The following PIEZO2 variants were observed in gnomAD, a reference collection of about 807,000 sequenced individuals.
PIEZO2 encodes piezo-type mechanosensitive ion channel component 2.
PIEZO2 carries 172 observed loss-of-function variants against 337.3 expected under a neutral mutation model. The ratio of observed to expected loss-of-function variants is 0.51; its 90% CI spans 0.45 to 0.58. The LOEUF (loss-of-function observed/expected upper bound fraction) is 0.58. Ranked by LOEUF, PIEZO2 falls within the 20% of genes least tolerant of loss-of-function variation. The pLI is 0.00. For synonymous variants in PIEZO2, 1,251 were observed against 1,228.5 expected (o/e 1.02, Z -0.38); for missense variants, 3,028 against 3,391.3 (o/e 0.89, Z 2.66).
chr18:10,959,237 A>C (rs116420473), intron 3 of PIEZO2, among the ~76,000 whole-genome samples: 1,848 of 152,278 alleles, frequency 0.012, 41 homozygotes, highest in African/African-American at 0.042. Context: ...TTGTTCTCAA[A>C]GTCTTCACAG....
chr18:11,014,459 T>G (rs910180835), intron 2 of PIEZO2, among the ~76,000 whole-genome samples: 3 of 126,468 alleles, frequency 2.4e-5, no homozygotes, highest in Non-Finnish European at 4.9e-5. Context: ...GTGGGGAACA[T>G]GTCACCCTGG....
intron 2 of PIEZO2, among the ~76,000 whole-genome samples, chr18:11,030,309 A>G (rs1232147122): frequency 2.0e-5 from 3 of 152,250 alleles, no homozygotes; most frequent in Non-Finnish European, 4.4e-5. Context: ...AAAAATGCCA[A>G]AGTGAAGGTG....
rs554945682 is a variant in PIEZO2 at position 10,864,747 on chromosome 18, G to A, written c.492+6506C>T. ...CAGAAGGGCAAGAGTGGGGACAAAAGCATCCATGCAAGAGTGAACTACACA... is the reference window on the plus strand; with the variant it reads ...CAGAAGGGCAAGAGTGGGGACAAAAACATCCATGCAAGAGTGAACTACACA... On this transcript the variant is annotated intron_variant, in intron 5 of 55. Transcript: ENST00000674853. Among the ~76,000 whole-genome samples, 5 of 152,324 alleles carry A rather than the reference G, an allele frequency of 3.3e-5. No individual in the cohort carries two copies. In the South Asian group the frequency reaches 8.3e-4, roughly 25 times the overall value.
intron 4 of PIEZO2, among the ~76,000 whole-genome samples, chr18:10,897,352 A>G (rs562950470): frequency 2.9e-4 from 44 of 152,008 alleles, no homozygotes; most frequent in African/African-American, 1.0e-3. Context: ...ATACCTGGCT[A>G]ATTTCTTTGT....
chr18:10,683,734 T>C (rs2034381834), intron 49 of PIEZO2, among the ~76,000 whole-genome samples: 1 of 152,240 alleles, frequency 6.6e-6, no homozygotes, highest in African/African-American at 2.4e-5. Flanking sequence ...ATTTAGATCA[T>C]AGGCCACTCC....
Position 10,766,997 on chromosome 18 carries a change from C to T in PIEZO2, c.2946+3151G>A, listed in dbSNP as rs1417165544. Among the ~76,000 whole-genome samples, 2 of 141,638 alleles carry T rather than the reference C, an allele frequency of 1.4e-5. No individual in the cohort carries two copies. Among genetic ancestry groups the T allele is most frequent in the Middle Eastern group, 3.7e-3 (1 of 268 alleles). 92.9% of individuals were successfully genotyped at this position (141,638 alleles called of 152,430 possible). A position where few individuals can be genotyped will look rare whatever the true frequency, so the allele number is the denominator to read the frequency against. On this transcript the variant is annotated intron_variant, in intron 21 of 55. Transcript: ENST00000674853. The surrounding 1 kb of genome is among the most constrained non-coding windows in gnomAD (Gnocchi z 6.1). ...CCTCCCACCTTCCATTCCCTCCCCT[C>T]CCCTCCCCTCCCCTTCCCTCCCCTC...
Position 10,811,968 on chromosome 18 carries a change from A to G in PIEZO2, c.918-4694T>C, listed in dbSNP as rs1030099084. Among the ~76,000 whole-genome samples, 19 of 152,214 alleles carry G rather than the reference A, an allele frequency of 1.2e-4. No individual in the cohort carries two copies. The Middle Eastern group carries it at 0.01, about 82-fold the overall frequency. ...CCTGCCTCAGCCTCCCGAGTAGCTG[A>G]GATTACAGGCGCCCGCCACCACGCC... On this transcript the variant is annotated intron_variant, in intron 7 of 55. Coordinates refer to ENST00000674853, the MANE Select transcript of PIEZO2 (RefSeq NM_001378183.1).
chr18:10,730,431 A>G lies in PIEZO2; in HGVS notation c.5029+976T>C, dbSNP rs550109880. Among the ~76,000 whole-genome samples the G allele has an allele frequency of 1.3e-3, 195 of 152,170 alleles. 2 individuals carry two copies. Among genetic ancestry groups the G allele is most frequent in the African/African-American group, 4.5e-3 (185 of 41,510 alleles). Reference sequence around the variant, plus strand: ...CACACGCTCTCATTGATTGAATTGAATTTTTCTTTTCTTGATTTCTAGCAG... The same window carrying G: ...CACACGCTCTCATTGATTGAATTGAGTTTTTCTTTTCTTGATTTCTAGCAG... On this transcript the variant is annotated intron_variant, in intron 36 of 55. Transcript: ENST00000674853.
At chr18:10,995,328 T>C (rs1001456500) in intron 2 of PIEZO2, among the ~76,000 whole-genome samples, 26 of 152,204 alleles carry the variant, frequency 1.7e-4, no homozygotes, top group African/African-American at 4.6e-4. Flanking sequence ...TTGTTTGTTT[T>C]TTCTTGCTAA....
intron 4 of PIEZO2, among the ~76,000 whole-genome samples, chr18:10,904,403 T>C (rs929597750): frequency 1.6e-4 from 25 of 152,228 alleles, no homozygotes; most frequent in African/African-American, 6.0e-4. Flanking sequence ...ATTTGTAAGA[T>C]GGAAAAGGTC....
intron 3 of PIEZO2, among the ~76,000 whole-genome samples, chr18:10,920,407 A>T (rs1441893404): frequency 6.6e-6 from 1 of 152,182 alleles, no homozygotes; most frequent in East Asian, 1.9e-4. Context: ...CCTGGCAATT[A>T]TACAATATGA....
At chr18:11,036,963 C>T (rs373695849) in intron 2 of PIEZO2, among the ~76,000 whole-genome samples, 121 of 152,028 alleles carry the variant, frequency 8.0e-4, no homozygotes, top group African/African-American at 2.6e-3. Flanking sequence ...TATTTGTGTG[C>T]GTGTGTTTGC....
At chr18:10,702,205 C>T in intron 42 of PIEZO2, 34 bp from the exon 43 acceptor site, 1 of 1,519,298 alleles carries the variant, frequency 6.6e-7, no homozygotes, top group Non-Finnish European at 8.8e-7. Flanking sequence ...TAAAACATTA[C>T]TCCTTTTAGG....
chr18:10,776,744 C>T (rs369401545), intron 18 of PIEZO2, among the ~76,000 whole-genome samples: 2 of 152,114 alleles, frequency 1.3e-5, no homozygotes, highest in Non-Finnish European at 2.9e-5. Flanking sequence ...GACCCAGCTG[C>T]GGTTGCTAGA....
At chr18:10,938,682 A>G (rs1648689871) in intron 3 of PIEZO2, among the ~76,000 whole-genome samples, 2 of 152,262 alleles carry the variant, frequency 1.3e-5, no homozygotes, top group Admixed American at 1.3e-4. Flanking sequence ...AGAATATTCA[A>G]TAGATATTTA....
chr18:11,113,473 A>C (rs2039792980), intron 1 of PIEZO2, among the ~76,000 whole-genome samples: 1 of 152,144 alleles, frequency 6.6e-6, no homozygotes, highest in African/African-American at 2.4e-5. Context: ...CCTCAGGGAA[A>C]ACCCTCCGGA....
At chr18:10,921,626 C>T (rs184674611) in intron 3 of PIEZO2, among the ~76,000 whole-genome samples, 2 of 152,170 alleles carry the variant, frequency 1.3e-5, no homozygotes, top group East Asian at 3.9e-4. Context: ...GAAATCTGGG[C>T]ACCTTGAAAA....
intron 4 of PIEZO2, chr18:10,893,622 T>G (rs1240678364): frequency 6.6e-6 from 1 of 152,172 alleles, no homozygotes; most frequent in Admixed American, 6.6e-5. Context: ...ATGAGACCAT[T>G]TCTTCTTCTT....
At chr18:10,789,868 G>T (rs546821681) in intron 14 of PIEZO2, among the ~76,000 whole-genome samples, 6 of 152,112 alleles carry the variant, frequency 3.9e-5, no homozygotes, top group African/African-American at 1.4e-4. Context: ...AAGAGTAATT[G>T]TAATTTAAGT....
Sources: allele counts gnomAD v4.1 joint callset (sites outside exome capture counted in the v4.1 genomes callset), GRCh38; gene constraint gnomAD v4.1.1; non-coding constraint Gnocchi (gnomAD v3.1); transcripts MANE v1.5; gene names NCBI Gene and HGNC (gene_info 2026-07-23, HGNC 2026-07-21).